The following DLGAP5 variants were observed in gnomAD, a reference collection of about 807,000 sequenced individuals.
DLGAP5 encodes DLG associated protein 5, also known as disks large-associated protein 5.
A neutral mutation model predicts 99.6 loss-of-function variants in DLGAP5; 90 were observed. That is an observed-to-expected ratio of 0.90 (90% CI 0.76 to 1.08). The LOEUF (loss-of-function observed/expected upper bound fraction) is 1.08. Among genes scored for constraint, DLGAP5 ranks in the 50% least tolerant of loss-of-function variants. The pLI, the probability that DLGAP5 is intolerant of heterozygous loss-of-function variation, is 0.00. For synonymous variants in DLGAP5, 311 were observed against 321.3 expected, an observed-to-expected ratio of 0.97 and a Z score of 0.34; for missense variants, 1,036 against 983.5, an observed-to-expected ratio of 1.05 and a Z score of -0.71.
chr14:55,174,042 C>CG, intron 10 of DLGAP5, among the ~76,000 whole-genome samples: 1 of 152,294 alleles, frequency 6.6e-6, no homozygotes, highest in East Asian at 1.9e-4. Flanking sequence ...GCCGGTGAGC[C>CG]GGGCGGAACA....
At chr14:55,152,734 A>G in intron 15 of DLGAP5, 87 bp from the exon 16 acceptor site, 1 of 1,162,496 alleles carries the variant, frequency 8.6e-7, no homozygotes, top group South Asian at 1.9e-5. Context: ...AATGATGGCA[A>G]TTAGTTTAGG....
intron 5 of DLGAP5, 87 bp from the exon 6 acceptor site, chr14:55,180,865 G>A (rs1883248798): frequency 3.9e-6 from 6 of 1,529,498 alleles, no homozygotes; most frequent in East Asian, 2.3e-5. Context: ...TGCAATGCCT[G>A]TAGTCCCAGC....
In DLGAP5 at chr14:55,170,691, T is replaced by C; in HGVS notation, c.1387+11A>G. On this transcript the variant is annotated intron_variant, in intron 11 of 18. Transcript: ENST00000247191. ...AAACAAAGCAAACAAAAAATACAAA[T>C]GTTGCCTCACCATCATCTGGAATGT... The C allele has an allele frequency of 1.9e-6, 3 of 1,605,792 alleles. No homozygotes were observed. The highest frequency in any genetic ancestry group is 2.6e-6 in the Non-Finnish European group (3 of 1,173,356).
intron 12 of DLGAP5, among the ~76,000 whole-genome samples, chr14:55,167,656 G>A (rs1882691939): frequency 6.6e-6 from 1 of 152,168 alleles, no homozygotes; most frequent in Non-Finnish European, 1.5e-5. Context: ...CTGAGAAAGG[G>A]TACATGGAAG....
intron 2 of DLGAP5, among the ~76,000 whole-genome samples, chr14:55,187,401 G>A (rs559535115): frequency 2.8e-5 from 4 of 144,268 alleles, no homozygotes; most frequent in Admixed American, 1.4e-4. Flanking sequence ...TAACTGCAAC[G>A]TCCACCTCCT....
intron 7 of DLGAP5, among the ~76,000 whole-genome samples, chr14:55,178,978 C>T (rs564536458): frequency 5.9e-5 from 9 of 152,130 alleles, no homozygotes; most frequent in African/African-American, 1.9e-4. Flanking sequence ...ACCCGGGGAG[C>T]GGAAGGTGCA....
chr14:55,190,241 GC>G (rs1883564170), intron 1 of DLGAP5, among the ~76,000 whole-genome samples: 1 of 151,078 alleles, frequency 6.6e-6, no homozygotes, highest in Non-Finnish European at 1.5e-5. Flanking sequence ...ACCAGCCTGG[GC>G]AACATAACAC....
chr14:55,190,734 T>C (rs1244090174), intron 1 of DLGAP5, among the ~76,000 whole-genome samples: 1 of 152,222 alleles, frequency 6.6e-6, no homozygotes, highest in Non-Finnish European at 1.5e-5. Context: ...CTGACCTGCA[T>C]GCTAATAACA....
At chr14:55,163,844 CAG>C (rs1473144839) in intron 12 of DLGAP5, among the ~76,000 whole-genome samples, 1 of 152,166 alleles carries the variant, frequency 6.6e-6, no homozygotes, top group African/African-American at 2.4e-5. Flanking sequence ...GGTAACTGTT[CAG>C]GTCTTTTGCC....
At chr14:55,169,201 TC>T (rs1464690636) in intron 12 of DLGAP5, among the ~76,000 whole-genome samples, 197 bp downstream of exon 12, 2 of 147,796 alleles carry the variant, frequency 1.4e-5, no homozygotes, top group African/African-American at 2.5e-5. Flanking sequence ...AAAAAAATTA[TC>T]CTGAGAATAT....
intron 10 of DLGAP5, among the ~76,000 whole-genome samples, chr14:55,172,610 T>C (rs1882899959): frequency 6.6e-6 from 1 of 151,020 alleles, no homozygotes; most frequent in South Asian, 2.1e-4. Context: ...GGTGACAGAG[T>C]GAGACCCTGT....
intron 14 of DLGAP5, among the ~76,000 whole-genome samples, chr14:55,156,205 C>T (rs1165142145): frequency 1.3e-5 from 2 of 152,098 alleles, no homozygotes; most frequent in African/African-American, 4.8e-5. Flanking sequence ...GAGCTAAACA[C>T]AGAAGGAATG....
intron 15 of DLGAP5, 116 bp downstream of exon 15, chr14:55,154,501 G>T: frequency 3.6e-6 from 3 of 824,656 alleles, no homozygotes; most frequent in Non-Finnish European, 5.8e-6. Flanking sequence ...TATGTTGCAG[G>T]GTCATTATGA....
intron 13 of DLGAP5, among the ~76,000 whole-genome samples, chr14:55,159,502 A>T (rs964008724): frequency 6.6e-6 from 1 of 152,148 alleles, no homozygotes; most frequent in Non-Finnish European, 1.5e-5. Flanking sequence ...CATCTATTGG[A>T]TGTGTGTGGG....
At chr14:55,166,811 G>A (rs576306149) in intron 12 of DLGAP5, among the ~76,000 whole-genome samples, 3 of 150,634 alleles carry the variant, frequency 2.0e-5, no homozygotes, top group Non-Finnish European at 4.4e-5. Flanking sequence ...AAAAATGATT[G>A]AACTGTACAT....
intron 7 of DLGAP5, 139 bp downstream of exon 7, chr14:55,179,490 G>GC: frequency 1.8e-6 from 1 of 564,430 alleles, no homozygotes; most frequent in Non-Finnish European, 3.0e-6. Flanking sequence ...TCCTCTTGAT[G>GC]CTTTCTTATG....
At chr14:55,152,011 T>C in intron 16 of DLGAP5, 70 bp from the exon 17 acceptor site, 1 of 1,459,634 alleles carries the variant, frequency 6.9e-7, no homozygotes, top group South Asian at 1.3e-5. Flanking sequence ...AAAGTCTTGT[T>C]GCTATTAAAT....
Position 55,154,657 on chromosome 14 carries a change from G to A in DLGAP5, c.2023C>T (p.His675Tyr). ...CTCAAAAACAAAGTCTTCTTCACAT[G>A]TTCACTTTTCGTATTCTGAGGACCG... ...NAGPQNTKSE[H>Y]VKKTLFLSIP... Residue 675 changes from histidine to tyrosine, a missense_variant, in exon 15 of 19, where the codon CAT (histidine) becomes TAT (tyrosine). His to Tyr is a moderately conservative substitution (Grantham distance 83, BLOSUM62 2). Transcript: ENST00000247191. 6.2e-7 allele frequency: 1 copy of A among 1,614,060 alleles called. No homozygotes were observed. The highest frequency in any genetic ancestry group is 8.5e-7 in the Non-Finnish European group (1 of 1,179,982).
rs1231668961 is a variant in DLGAP5 at position 55,150,850 on chromosome 14, T to C, written c.2369-2A>G. 6 of 1,563,666 alleles carry C rather than the reference T, an allele frequency of 3.8e-6. No homozygotes were observed. Among genetic ancestry groups the C allele is most frequent in the Non-Finnish European group, 5.2e-6 (6 of 1,160,554 alleles). ...TGAGACTTTTATTATCAAATAGTTC[T>C]GAAAAACAACAAAAAAAAACTTTTT... On this transcript the variant is annotated splice_acceptor_variant, in intron 17 of 18. Transcript: ENST00000247191. LOFTEE classifies it high-confidence loss of function.
Sources: allele counts gnomAD v4.1 joint callset (sites outside exome capture counted in the v4.1 genomes callset), GRCh38; gene constraint gnomAD v4.1.1; transcripts MANE v1.5; gene names NCBI Gene and HGNC (gene_info 2026-07-23, HGNC 2026-07-21).